P3H2: variants seen among roughly 807,000 people sequenced by gnomAD.
P3H2 encodes the protein leprecan-like 1.
In P3H2, 80 loss-of-function variants were observed where a neutral mutation model predicts 87.0. The ratio of observed to expected loss-of-function variants is 0.92; its 90% confidence interval spans 0.77 to 1.11. The LOEUF is 1.11. Ranked by LOEUF, P3H2 falls within the 50% of genes least tolerant of loss-of-function variation. The probability of loss-of-function intolerance (pLI) is 0.00; values close to 1 mark genes in which losing one functional copy is unlikely to be tolerated. For missense variants in P3H2, 1,001 were observed against 923.9 expected (o/e 1.08, Z -1.08); for synonymous variants, 367 against 359.3 (o/e 1.02, Z -0.24).
Position 189,986,824 on chromosome 3 carries a change from T to C in P3H2, c.1152A>G (p.Ser384=). The part of the protein sequence containing the change: ...RHKLESELIK[S]AAEGLGFSYT... The stretch of plus-strand genomic sequence containing the variant: ...ATGAAAACCCCAGACCTTCTGCAGC[T>C]GATTTTATCAGCTCAGACTCCAGCT... Residue 384 remains serine (S), a synonymous_variant, in exon 6 of 15, where the codon TCA becomes TCG. Transcript: ENST00000319332. The C allele has an allele frequency of 6.2e-7, 1 of 1,613,242 alleles. No homozygotes were observed. The highest frequency in any genetic ancestry group is 8.5e-7 in the Non-Finnish European group (1 of 1,179,218).
chr3:190,109,225 T>C (rs932034898), intron 1 of P3H2, among the ~76,000 whole-genome samples: 1 of 152,256 alleles, frequency 6.6e-6, no homozygotes, highest in African/African-American at 2.4e-5. Flanking sequence ...TTCATTTTTG[T>C]TCATTATCTC....
rs539514733 is a variant in P3H2, at chr3:190,120,721, C to T, written c.11G>A (p.Arg4His). The T allele has an allele frequency of 1.1e-5, 16 of 1,520,162 alleles. No homozygotes were observed. The African/African-American group carries it at 1.3e-4, about 12-fold the overall frequency. The allele number at this position is 1,520,162 out of a possible 1,614,324, so 94.2% of individuals were successfully genotyped here. The change falls in exon 1 of 15, where the codon CGC (arginine) becomes CAC (histidine). Residue 4 changes from arginine to histidine, a missense_variant. Physicochemically the swap from Arg to His is conservative, Grantham distance 29 (BLOSUM62 0). Coordinates refer to ENST00000319332, the MANE Select transcript of P3H2 (RefSeq NM_018192.4). Reference sequence around the variant, plus strand: ...CAGCAGCAGCGGCGGCGCCCAGATGCGCTCCCGCATCCTCCGCCTCAGAGA... The same window carrying T: ...CAGCAGCAGCGGCGGCGCCCAGATGTGCTCCCGCATCCTCCGCCTCAGAGA... MRE[R>H]IWAPPLLLLL... is the part of the protein sequence containing the mutation.
chr3:189,962,300 G>A (rs554302046), intron 14 of P3H2, among the ~76,000 whole-genome samples: 64 of 151,326 alleles, frequency 4.2e-4, no homozygotes, highest in African/African-American at 1.4e-3. Context: ...TCAGGCTCCC[G>A]AGCAGCTGGG....
intron 3 of P3H2, among the ~76,000 whole-genome samples, chr3:189,991,851 G>T (rs1040325615): frequency 6.6e-6 from 1 of 152,188 alleles, no homozygotes; most frequent in African/African-American, 2.4e-5. Context: ...TTTAGAGACT[G>T]CTCTGTGGGC....
Position 190,007,965 on chromosome 3 carries a change from C to CACACACATATATATAT in P3H2, c.481-12524_481-12523insATATATATATGTGTGT. Among the ~76,000 whole-genome samples, 16 of 94,336 alleles carry CACACACATATATATAT rather than the reference C, an allele frequency of 1.7e-4. 1 individual carries two copies. Among genetic ancestry groups the CACACACATATATATAT allele is most frequent in the African/African-American group, 4.3e-4 (11 of 25,626 alleles). 61.9% of individuals were successfully genotyped at this position (94,336 alleles called of 152,430 possible). On this transcript the variant is annotated intron_variant, in intron 1 of 14. Transcript: ENST00000319332. ...GCCTGAGACTCTATTTGTTGACACA[C>CACACACATATATATAT]ATATATATATATATATATATAGTAA...
intron 13 of P3H2, 31 bp from the exon 14 acceptor site, chr3:189,964,129 A>T: frequency 1.2e-6 from 2 of 1,604,036 alleles, no homozygotes; most frequent in Non-Finnish European, 1.7e-6. Flanking sequence ...TAGACTTTCA[A>T]TTGTTGTATC....
At chr3:190,114,355 T>C (rs971397856) in intron 1 of P3H2, among the ~76,000 whole-genome samples, 1 of 151,128 alleles carries the variant, frequency 6.6e-6, no homozygotes, top group African/African-American at 2.4e-5. Flanking sequence ...GCCTAATTTC[T>C]TTTTGTATTT....
intron 1 of P3H2, among the ~76,000 whole-genome samples, chr3:190,103,428 C>CT (rs796388672): frequency 1.1e-4 from 16 of 152,306 alleles, no homozygotes; most frequent in African/African-American, 3.8e-4. Context: ...TACTTAGAAA[C>CT]TTTTTTTCCC....
At position 190,069,804 on chromosome 3, in the gene P3H2, A is replaced by G. The variant is rs528702972; in HGVS notation, c.480+50448T>C. Among the ~76,000 whole-genome samples, 7 of 152,338 alleles carry G rather than the reference A, an allele frequency of 4.6e-5. No homozygotes were observed. The East Asian group carries it at 1.4e-3, about 29-fold the overall frequency. On this transcript the variant is annotated intron_variant, in intron 1 of 14. Coordinates refer to ENST00000319332, the MANE Select transcript of P3H2 (RefSeq NM_018192.4). ...GAAAGCTGATGGCCAGTAACTGACC[A>G]TTGGCTCTAGCAAGGGGTAGACAAC...
intron 1 of P3H2, among the ~76,000 whole-genome samples, chr3:190,001,327 C>T (rs1724210689): frequency 6.6e-6 from 1 of 152,134 alleles, no homozygotes; most frequent in Non-Finnish European, 1.5e-5. Flanking sequence ...GAATATTTGG[C>T]AGCACTTTTT....
rs1360200281 is a variant in P3H2 at position 190,120,454 on chromosome 3, G to T, written c.278C>A (p.Pro93Gln). 1 of 1,426,018 alleles carries T rather than the reference G, an allele frequency of 7.0e-7. No homozygotes were observed. Among genetic ancestry groups the T allele is most frequent in the Non-Finnish European group, 9.1e-7 (1 of 1,101,106 alleles). The allele number at this position is 1,426,018 out of a possible 1,614,324, so 88.3% of individuals were successfully genotyped here. ...CTCGCCGGGGGGCGGGGGCGGGAGC[G>T]GGTGGCGCGCCGCGCAGTGGCGGGC... ...RCARHCAARH[P>Q]LPPPPPGEGP... The change falls in exon 1 of 15, where the codon CCG (proline) becomes CAG (glutamine). Residue 93 changes from proline (P) to glutamine (Q), a missense_variant. Coordinates refer to ENST00000319332, the MANE Select transcript of P3H2 (RefSeq NM_018192.4).
chr3:190,096,684 G>A (rs1406614012), intron 1 of P3H2, among the ~76,000 whole-genome samples: 1 of 152,164 alleles, frequency 6.6e-6, no homozygotes, highest in African/African-American at 2.4e-5. Context: ...GCATCTGGCT[G>A]GAAACAGTAT....
intron 1 of P3H2, among the ~76,000 whole-genome samples, chr3:190,024,344 G>A (rs909982276): frequency 7.9e-5 from 12 of 151,842 alleles, no homozygotes; most frequent in East Asian, 1.9e-4. Flanking sequence ...CGAGACCAGC[G>A]TGTCCAATAT....
intron 10 of P3H2, 139 bp from the exon 11 acceptor site, chr3:189,973,163 G>A: frequency 1.3e-6 from 1 of 745,226 alleles, no homozygotes; most frequent in Non-Finnish European, 2.2e-6. Context: ...CATATTTGTG[G>A]ATTTCGGTTA....
At chr3:190,042,022 A>G (rs947624057) in intron 1 of P3H2, among the ~76,000 whole-genome samples, 2 of 152,232 alleles carry the variant, frequency 1.3e-5, no homozygotes, top group African/African-American at 4.8e-5. Flanking sequence ...TAAAGTCTGT[A>G]AGTGCCTAAA....
intron 1 of P3H2, among the ~76,000 whole-genome samples, chr3:190,062,858 AC>A (rs1259863079): frequency 6.6e-6 from 1 of 152,102 alleles, no homozygotes; most frequent in Non-Finnish European, 1.5e-5. Flanking sequence ...AGGAAGCAAG[AC>A]CCTGGCATAA....
At chr3:190,023,620 A>C (rs750532910) in intron 1 of P3H2, among the ~76,000 whole-genome samples, 5 of 152,146 alleles carry the variant, frequency 3.3e-5, no homozygotes, top group South Asian at 2.1e-4. Flanking sequence ...CTCCCTTGAC[A>C]TGGGCGGCGG....
At chr3:190,001,345 T>C (rs1263949760) in intron 1 of P3H2, among the ~76,000 whole-genome samples, 1 of 152,242 alleles carries the variant, frequency 6.6e-6, no homozygotes, top group East Asian at 1.9e-4. Flanking sequence ...TTTACTCTTT[T>C]GAAGGTTTTT....
At chr3:190,052,599 C>T (rs375065960) in intron 1 of P3H2, among the ~76,000 whole-genome samples, 1 of 151,408 alleles carries the variant, frequency 6.6e-6, no homozygotes, top group African/African-American at 2.4e-5. Context: ...AAATGTAAAT[C>T]GAAGATAGAA....
Sources: allele counts gnomAD v4.1 joint callset (sites outside exome capture counted in the v4.1 genomes callset), GRCh38; gene constraint gnomAD v4.1.1; transcripts MANE v1.5; gene names NCBI Gene and HGNC (gene_info 2026-07-23, HGNC 2026-07-21).